Variants in AGBL4 observed in about 807,000 individuals in gnomAD.
AGBL4 encodes the protein cytosolic carboxypeptidase 6.
AGBL4 carries 58 observed loss-of-function variants against 66.4 expected under a neutral mutation model. The observed-to-expected ratio is 0.87, with a 90% CI of 0.71 to 1.09. AGBL4 has a LOEUF of 1.09. Among genes scored for constraint, AGBL4 ranks in the 50% least tolerant of loss-of-function variants. AGBL4 has a pLI of 0.00. For synonymous variants in AGBL4, 234 were observed against 222.9 expected (o/e 1.05, Z -0.44); for missense variants, 579 against 631.0 (o/e 0.92, Z 0.88).
chr1:49,566,764 A>G (rs1032452887), intron 3 of AGBL4, among the ~76,000 whole-genome samples: 29 of 143,462 alleles, frequency 2.0e-4, no homozygotes, highest in African/African-American at 7.3e-4. Context: ...TTGAGGAGGC[A>G]GTCTGCCCAT....
chr1:49,308,581 A>T (rs946061286), intron 3 of AGBL4, among the ~76,000 whole-genome samples: 1 of 152,152 alleles, frequency 6.6e-6, no homozygotes, highest in African/African-American at 2.4e-5. Flanking sequence ...ACCATATCCC[A>T]TGTCTCCTAT....
intron 3 of AGBL4, among the ~76,000 whole-genome samples, chr1:49,539,042 T>TA (rs1480166873): frequency 6.6e-6 from 1 of 152,120 alleles, no homozygotes; most frequent in Non-Finnish European, 1.5e-5. Flanking sequence ...AGAAATAACC[T>TA]AACCTAAATT....
chr1:48,841,408 C>A (rs940729024), intron 6 of AGBL4, among the ~76,000 whole-genome samples: 3 of 136,176 alleles, frequency 2.2e-5, no homozygotes, highest in South Asian at 2.8e-4. Flanking sequence ...AAACCCCCCC[C>A]CCCCAAAAAA....
intron 5 of AGBL4, among the ~76,000 whole-genome samples, chr1:48,948,016 T>C (rs955685849): frequency 1.3e-5 from 2 of 151,938 alleles, no homozygotes; most frequent in Non-Finnish European, 2.9e-5. Flanking sequence ...ACTAGAAACA[T>C]ACGTAGGTGA....
At chr1:49,850,350 T>C (rs960152785) in intron 2 of AGBL4, among the ~76,000 whole-genome samples, 8 of 152,152 alleles carry the variant, frequency 5.3e-5, no homozygotes, top group African/African-American at 1.9e-4. Context: ...AACAGATTCT[T>C]CCTCATAATT....
chr1:49,449,704 T>C (rs1646235775), intron 3 of AGBL4, among the ~76,000 whole-genome samples: 1 of 152,000 alleles, frequency 6.6e-6, no homozygotes, highest in Non-Finnish European at 1.5e-5. Flanking sequence ...TGGTTTTTCT[T>C]GGAAAAACCA....
intron 11 of AGBL4, among the ~76,000 whole-genome samples, chr1:48,567,598 T>TA (rs1475805546): frequency 2.0e-5 from 3 of 152,044 alleles, no homozygotes; most frequent in South Asian, 2.1e-4. Flanking sequence ...GACAGGGTAA[T>TA]AAAAAAATCC....
chr1:49,946,322 T>A (rs1476939867), intron 1 of AGBL4, among the ~76,000 whole-genome samples: 1 of 151,984 alleles, frequency 6.6e-6, no homozygotes, highest in Non-Finnish European at 1.5e-5. Context: ...AAAACAAGCC[T>A]CAATAAATTT....
At position 49,768,023 on chromosome 1, in the gene AGBL4, A is replaced by C. The variant is rs564390678; in HGVS notation, c.158-70586T>G. Among the ~76,000 whole-genome samples, 11 of 152,036 alleles carry C rather than the reference A, an allele frequency of 7.2e-5. No homozygotes were observed. In the South Asian group the frequency reaches 1.7e-3, roughly 23 times the overall value. On this transcript the variant is annotated intron_variant, in intron 2 of 13. Coordinates refer to ENST00000371839, the MANE Select transcript of AGBL4 (RefSeq NM_032785.4). Reference sequence around the variant, plus strand: ...GGATCTCAAAGAAAAAAAACAAAACAAAACAAAAAAACCCTGTCAACCAAA... The same window carrying C: ...GGATCTCAAAGAAAAAAAACAAAACCAAACAAAAAAACCCTGTCAACCAAA...
chr1:49,086,981 C>T (rs1644919114), intron 4 of AGBL4, among the ~76,000 whole-genome samples: 1 of 151,798 alleles, frequency 6.6e-6, no homozygotes, highest in Non-Finnish European at 1.5e-5. Context: ...AACTGAACCC[C>T]ACCTTATACC....
intron 3 of AGBL4, among the ~76,000 whole-genome samples, chr1:49,657,667 C>A (rs141454725): frequency 2.0e-5 from 3 of 152,054 alleles, no homozygotes; most frequent in Non-Finnish European, 4.4e-5. Flanking sequence ...GAGATATAGA[C>A]CAATGGAACA....
chr1:49,150,179 A>T (rs1198440979), intron 4 of AGBL4, among the ~76,000 whole-genome samples: 1 of 152,162 alleles, frequency 6.6e-6, no homozygotes, highest in African/African-American at 2.4e-5. Flanking sequence ...CTAGCTAGTG[A>T]CTTAACTATG....
intron 3 of AGBL4, among the ~76,000 whole-genome samples, chr1:49,336,163 A>G (rs1175507877): frequency 6.6e-6 from 1 of 152,164 alleles, no homozygotes; most frequent in Non-Finnish European, 1.5e-5. Context: ...AGGAAAGCCT[A>G]TGGTGTAAGT....
chr1:48,655,953 G>A (rs1209420491), intron 7 of AGBL4, among the ~76,000 whole-genome samples: 7 of 152,144 alleles, frequency 4.6e-5, no homozygotes, highest in African/African-American at 1.4e-4. Flanking sequence ...ATTCCTCTCC[G>A]CCAAAAGTAG....
At chr1:49,796,074 A>G (rs1644722844) in intron 2 of AGBL4, among the ~76,000 whole-genome samples, 1 of 151,940 alleles carries the variant, frequency 6.6e-6, no homozygotes, top group African/African-American at 2.4e-5. Context: ...CAAATATACC[A>G]CCAGAAAAAC....
chr1:50,012,222 G>A (rs1356673801), intron 1 of AGBL4, among the ~76,000 whole-genome samples: 1 of 151,360 alleles, frequency 6.6e-6, no homozygotes, highest in Non-Finnish European at 1.5e-5. Context: ...TTAGTGGGAG[G>A]CTGGGGATAT....
chr1:49,286,768 G>T (rs375897155), intron 3 of AGBL4, among the ~76,000 whole-genome samples: 2 of 151,996 alleles, frequency 1.3e-5, no homozygotes, highest in African/African-American at 2.4e-5. Flanking sequence ...AATCAATATC[G>T]TGAAAATGGC....
At chr1:49,691,867 G>C (rs929783779) in intron 3 of AGBL4, among the ~76,000 whole-genome samples, 2 of 152,102 alleles carry the variant, frequency 1.3e-5, no homozygotes, top group African/African-American at 4.8e-5. Flanking sequence ...TCATGCCCTC[G>C]AACATCGGAC....
intron 5 of AGBL4, among the ~76,000 whole-genome samples, chr1:48,982,352 C>A (rs926517180): frequency 1.3e-5 from 2 of 152,174 alleles, no homozygotes; most frequent in Non-Finnish European, 2.9e-5. Context: ...CCACTCCCCC[C>A]ACCCCACAAC....
Sources: gnomAD v4.1 joint callset for allele counts (sites outside exome capture counted in the v4.1 genomes callset) on GRCh38, gnomAD v4.1.1 for gene constraint, MANE v1.5 for transcripts, NCBI Gene and HGNC (gene_info 2026-07-23, HGNC 2026-07-21) for gene names.